The following ULK4 variants were observed in gnomAD, a reference collection of about 807,000 sequenced individuals.
The protein encoded by ULK4 is inactive serine/threonine-protein kinase ULK4.
A neutral mutation model predicts 160.6 loss-of-function variants in ULK4; 133 were observed. That is an observed-to-expected ratio of 0.83 (90% CI 0.72 to 0.96). ULK4 has a LOEUF of 0.96. Ranked by LOEUF, ULK4 falls within the 40% of genes least tolerant of loss-of-function variation. The probability of loss-of-function intolerance (pLI) is 0.00; values close to 1 mark genes in which losing one functional copy is unlikely to be tolerated. For missense variants in ULK4, 1,580 were observed against 1,499.5 expected, an observed-to-expected ratio of 1.05 and a Z score of -0.89; for synonymous variants, 534 against 539.8, an observed-to-expected ratio of 0.99 and a Z score of 0.15.
intron 31 of ULK4, among the ~76,000 whole-genome samples, chr3:41,567,093 T>C (rs1248098534): frequency 6.6e-6 from 1 of 152,156 alleles, no homozygotes; most frequent in Admixed American, 6.5e-5. Flanking sequence ...GCATATTAAT[T>C]AGTAGGCTTG....
Position 41,821,529 on chromosome 3 carries a change from G to A in ULK4, c.1765-2023C>T, listed in dbSNP as rs151132886. 6.6e-5 allele frequency among the ~76,000 whole-genome samples: 10 copies of A among 152,248 alleles called. No homozygotes were observed. In the East Asian group the frequency reaches 1.9e-3, roughly 29 times the overall value. On this transcript the variant is annotated intron_variant, in intron 18 of 36. Coordinates refer to ENST00000301831, the MANE Select transcript of ULK4 (RefSeq NM_017886.4). ...CTGCCCAATGGTTATAACAGGACAG[G>A]TTCCTCCATTCCTGTCCCTCCACTT...
intron 35 of ULK4, among the ~76,000 whole-genome samples, chr3:41,285,442 G>C (rs372415346): frequency 1.3e-5 from 2 of 152,148 alleles, no homozygotes; most frequent in East Asian, 3.8e-4. Context: ...CATTTGCAGC[G>C]ACCTGGATGA....
intron 35 of ULK4, among the ~76,000 whole-genome samples, chr3:41,339,897 T>C (rs572168568): frequency 1.4e-4 from 21 of 150,590 alleles, no homozygotes; most frequent in Non-Finnish European, 7.4e-5. Context: ...TCAACAGTGA[T>C]TGATATTATT....
chr3:41,589,080 A>AC (rs2031053703), intron 31 of ULK4, among the ~76,000 whole-genome samples: 1 of 151,610 alleles, frequency 6.6e-6, no homozygotes, highest in African/African-American at 2.4e-5. Flanking sequence ...ATATGCAATT[A>AC]CCCTACCTCT....
chr3:41,794,438 G>A (rs1488951989), intron 20 of ULK4, among the ~76,000 whole-genome samples: 1 of 151,956 alleles, frequency 6.6e-6, no homozygotes, highest in African/African-American at 2.4e-5. Context: ...GGCAGACGTG[G>A]GTGGATCACA....
At position 41,735,962 on chromosome 3, in the gene ULK4, A is replaced by T. The variant is rs867962958; in HGVS notation, c.2322-18101T>A. 2.2e-3 allele frequency among the ~76,000 whole-genome samples: 329 copies of T among 150,244 alleles called. 3 individuals are homozygous for T. The highest frequency in any genetic ancestry group is 0.019 in the South Asian group (91 of 4,730). On this transcript the variant is annotated intron_variant, in intron 22 of 36. Coordinates refer to ENST00000301831, the MANE Select transcript of ULK4 (RefSeq NM_017886.4). Reference sequence around the variant, plus strand: ...CGGTGTTTGGTTTTTTGTCCTTGCGATAGTTTGCTGAGAATGATGGTTTCC... The same window carrying T: ...CGGTGTTTGGTTTTTTGTCCTTGCGTTAGTTTGCTGAGAATGATGGTTTCC...
intron 18 of ULK4, among the ~76,000 whole-genome samples, chr3:41,826,237 G>A (rs1301410965): frequency 6.6e-6 from 1 of 152,190 alleles, no homozygotes; most frequent in Non-Finnish European, 1.5e-5. Context: ...AGGCTAGGAA[G>A]AAACTGAATC....
chr3:41,932,762 G>A (rs1412055442), intron 4 of ULK4, among the ~76,000 whole-genome samples: 1 of 152,132 alleles, frequency 6.6e-6, no homozygotes, highest in Admixed American at 6.5e-5. Context: ...GGCTATGTAG[G>A]GTCAAGTGCA....
intron 32 of ULK4, among the ~76,000 whole-genome samples, chr3:41,505,776 T>C (rs1317627012): frequency 6.6e-6 from 1 of 152,150 alleles, no homozygotes; most frequent in Non-Finnish European, 1.5e-5. Context: ...GTTTTATTTC[T>C]TCCTTTCTAC....
chr3:41,876,385 G>C (rs13314899), intron 17 of ULK4, among the ~76,000 whole-genome samples: 8,441 of 152,166 alleles, frequency 0.055, 425 homozygotes, highest in East Asian at 0.16. Flanking sequence ...AGAGGAAACT[G>C]GTAAATACTT....
chr3:41,467,009 A>G (rs942557655), intron 32 of ULK4, among the ~76,000 whole-genome samples: 3 of 152,230 alleles, frequency 2.0e-5, no homozygotes, highest in African/African-American at 4.8e-5. Flanking sequence ...ATATCACCAT[A>G]CATACATATA....
chr3:41,598,594 TTCTAA>T (rs2031849352), intron 31 of ULK4, among the ~76,000 whole-genome samples: 1 of 152,112 alleles, frequency 6.6e-6, no homozygotes, highest in South Asian at 2.1e-4. Context: ...ATATCATAAA[TTCTAA>T]TCTAAGAAAC....
rs182469363 is a variant in ULK4 at position 41,500,690 on chromosome 3, T to C, written c.3227-37437A>G. ...AGATCCCACAGAGGCCAACAGATGG[T>C]ACCAAGCACAGCCAGTTCTGGAATG... On this transcript the variant is annotated intron_variant, in intron 32 of 36. Transcript: ENST00000301831. Among the ~76,000 whole-genome samples the C allele has an allele frequency of 1.6e-3, 242 of 152,238 alleles. 1 individual carries two copies. The highest frequency in any genetic ancestry group is 5.6e-3 in the African/African-American group (231 of 41,548).
chr3:41,686,492 G>T (rs1428422728), intron 27 of ULK4, among the ~76,000 whole-genome samples: 1 of 152,156 alleles, frequency 6.6e-6, no homozygotes, highest in Non-Finnish European at 1.5e-5. Flanking sequence ...ATGTGTGTGT[G>T]TGTGTAAGAT....
intron 30 of ULK4, among the ~76,000 whole-genome samples, chr3:41,660,263 C>A (rs1168121251): frequency 1.3e-5 from 2 of 151,742 alleles, no homozygotes; most frequent in Non-Finnish European, 2.9e-5. Context: ...CCATTGCACA[C>A]CAGCCTGTGG....
chr3:41,509,800 G>T (rs552131609), intron 32 of ULK4, among the ~76,000 whole-genome samples: 1 of 152,064 alleles, frequency 6.6e-6, no homozygotes, highest in African/African-American at 2.4e-5. Context: ...CTACCAAGCC[G>T]GCATTATGAG....
At chr3:41,280,486 A>G (rs1195590865) in intron 35 of ULK4, among the ~76,000 whole-genome samples, 2 of 152,258 alleles carry the variant, frequency 1.3e-5, no homozygotes, top group Non-Finnish European at 2.9e-5. Flanking sequence ...ATCAAATTAG[A>G]ACTCAGGATT....
intron 35 of ULK4, among the ~76,000 whole-genome samples, chr3:41,355,843 C>G (rs1036719348): frequency 1.3e-5 from 2 of 152,166 alleles, no homozygotes; most frequent in African/African-American, 4.8e-5. Context: ...AAATGTTTAA[C>G]TAGCACTGTC....
intron 27 of ULK4, among the ~76,000 whole-genome samples, chr3:41,685,902 C>G (rs997676743): frequency 1.3e-5 from 2 of 151,990 alleles, no homozygotes; most frequent in Admixed American, 6.6e-5. Flanking sequence ...GGACCATGGT[C>G]AGTAACATTT....
Sources: gnomAD v4.1 joint callset for allele counts (sites outside exome capture counted in the v4.1 genomes callset) on GRCh38, gnomAD v4.1.1 for gene constraint, MANE v1.5 for transcripts, NCBI Gene and HGNC (gene_info 2026-07-23, HGNC 2026-07-21) for gene names.